Variants in OSTM1 observed in about 807,000 individuals in gnomAD.
OSTM1 encodes osteoclastogenesis associated transmembrane protein 1, also known as osteopetrosis-associated transmembrane protein 1.
A neutral mutation model predicts 35.4 loss-of-function variants in OSTM1; 26 were observed. That is an observed-to-expected ratio of 0.73 (90% CI 0.54 to 1.02). The LOEUF (loss-of-function observed/expected upper bound fraction) is 1.02. Among genes scored for constraint, OSTM1 ranks in the 50% least tolerant of loss-of-function variants. The pLI, the probability that OSTM1 is intolerant of heterozygous loss-of-function variation, is 0.00. For synonymous variants in OSTM1, 181 were observed against 165.0 expected (o/e 1.10, Z -0.75); for missense variants, 366 against 409.6 (o/e 0.89, Z 0.92).
chr6:108,066,748 C>T (rs1276488566), intron 1 of OSTM1, among the ~76,000 whole-genome samples: 1 of 152,122 alleles, frequency 6.6e-6, no homozygotes, highest in African/African-American at 2.4e-5. Context: ...AGAGAGGTCA[C>T]TAAAGAGCAA....
At chr6:108,050,429 T>G (rs1302321210) in intron 4 of OSTM1, among the ~76,000 whole-genome samples, 8 of 142,692 alleles carry the variant, frequency 5.6e-5, no homozygotes, top group South Asian at 4.5e-4. Flanking sequence ...ACTGGCACGA[T>G]CTCAGCTCAC....
intron 2 of OSTM1, among the ~76,000 whole-genome samples, chr6:108,061,551 G>A (rs1178856813): frequency 1.3e-5 from 2 of 151,576 alleles, no homozygotes; most frequent in Non-Finnish European, 2.9e-5. Flanking sequence ...TTTAAGACAG[G>A]GTCTTGCTCT....
chr6:108,062,816 C>A (rs1772305519), intron 2 of OSTM1, among the ~76,000 whole-genome samples: 1 of 152,038 alleles, frequency 6.6e-6, no homozygotes, highest in Non-Finnish European at 1.5e-5. Context: ...GTGTGAGCCA[C>A]CATGCCTGGT....
intron 4 of OSTM1, among the ~76,000 whole-genome samples, chr6:108,050,282 T>C (rs1003942825): frequency 4.0e-5 from 6 of 150,944 alleles, no homozygotes; most frequent in African/African-American, 1.5e-4. Context: ...TGGTAATAGA[T>C]ATAAGAAAAT....
intron 2 of OSTM1, among the ~76,000 whole-genome samples, chr6:108,058,469 A>C (rs1772205195): frequency 6.6e-6 from 1 of 152,204 alleles, no homozygotes; most frequent in East Asian, 1.9e-4. Context: ...CGCTTAGTAC[A>C]TTTCCCTCTG....
chr6:108,064,695 T>C (rs948593903), intron 1 of OSTM1, among the ~76,000 whole-genome samples: 1 of 152,222 alleles, frequency 6.6e-6, no homozygotes, highest in Non-Finnish European at 1.5e-5. Flanking sequence ...CTTAATTCTT[T>C]CAAAGTTATT....
At chr6:108,051,247 A>T (rs377292844) in intron 3 of OSTM1, 49 bp from the exon 4 acceptor site, 2 of 1,311,036 alleles carry the variant, frequency 1.5e-6, no homozygotes, top group East Asian at 2.4e-5. Context: ...ATTATATACA[A>T]TATCTCTTTA....
intron 2 of OSTM1, among the ~76,000 whole-genome samples, chr6:108,058,792 G>T (rs1192201794): frequency 5.3e-5 from 8 of 151,958 alleles, no homozygotes; most frequent in Admixed American, 3.3e-4. Context: ...AAAAAAAAAT[G>T]TTTTGGTTAA....
intron 2 of OSTM1, among the ~76,000 whole-genome samples, chr6:108,062,629 C>A (rs1464489931): frequency 6.7e-6 from 1 of 150,256 alleles, no homozygotes; most frequent in Non-Finnish European, 1.5e-5. Context: ...TTCATTGCAG[C>A]CTTGACCTCC....
intron 5 of OSTM1, 101 bp downstream of exon 5, chr6:108,049,152 A>C (rs1772031889): frequency 1.3e-6 from 1 of 764,864 alleles, no homozygotes; most frequent in Non-Finnish European, 2.2e-6. Context: ...TTTTAGGCTA[A>C]TCTACTTTGA....
intron 4 of OSTM1, among the ~76,000 whole-genome samples, chr6:108,049,869 A>G (rs1772045366): frequency 6.6e-6 from 1 of 152,232 alleles, no homozygotes; most frequent in African/African-American, 2.4e-5. Flanking sequence ...ACTTTTTACC[A>G]TCTCGAATAT....
At chr6:108,072,034 T>G (rs1772494667) in intron 1 of OSTM1, among the ~76,000 whole-genome samples, 1 of 152,190 alleles carries the variant, frequency 6.6e-6, no homozygotes, top group African/African-American at 2.4e-5. Context: ...AGCCTCTCTT[T>G]AATTCCACAG....
intron 1 of OSTM1, among the ~76,000 whole-genome samples, chr6:108,068,852 C>T (rs1320753568): frequency 6.6e-6 from 1 of 152,202 alleles, no homozygotes; most frequent in Non-Finnish European, 1.5e-5. Context: ...AAATCCTTAA[C>T]ATACCCTACA....
chr6:108,048,513 G>A (rs1772018734), intron 5 of OSTM1, among the ~76,000 whole-genome samples: 1 of 152,106 alleles, frequency 6.6e-6, no homozygotes, highest in Non-Finnish European at 1.5e-5. Flanking sequence ...TTGGAACTAC[G>A]ATTCCAATTT....
intron 2 of OSTM1, among the ~76,000 whole-genome samples, chr6:108,062,004 A>C (rs930206935): frequency 1.3e-5 from 2 of 152,028 alleles, no homozygotes; most frequent in Non-Finnish European, 2.9e-5. Flanking sequence ...CAAACCTTCT[A>C]TATACTACGT....
At position 108,042,941 on chromosome 6, in the gene OSTM1, A is replaced by C. The variant is rs1270573422; in HGVS notation, c.*1844T>G. 3 of 152,224 alleles carry C rather than the reference A, an allele frequency of 2.0e-5. No individual in the cohort carries two copies. Among genetic ancestry groups the C allele is most frequent in the Non-Finnish European group, 4.4e-5 (3 of 68,036 alleles). The allele number at this position is 152,224 out of a possible 1,614,324, so 9.4% of individuals were successfully genotyped here. ...GCAAATCATTTTTCAATATGACAAA[A>C]TGAAAAACTTACACACTTTAGGGTA... On this transcript the variant is annotated 3_prime_UTR_variant, in exon 6 of 6. Transcript: ENST00000193322.
In OSTM1 at chr6:108,074,674, G is replaced by T. The variant is rs1452366467; in HGVS notation, c.-23C>A. ...CATCACCGGGCTCACACACCCCAGG[G>T]AGCCCACCGCCGCCTCTCCGCCCCC... is the stretch of plus-strand genomic sequence containing the variant. On this transcript the variant is annotated 5_prime_UTR_variant, in exon 1 of 6. Transcript: ENST00000193322. The T allele has an allele frequency of 6.6e-7, 1 of 1,520,014 alleles. No homozygotes were observed. The highest frequency in any genetic ancestry group is 1.4e-5 in the African/African-American group (1 of 71,274). 94.2% of individuals were successfully genotyped at this position (1,520,014 alleles called of 1,614,324 possible).
chr6:108,064,176 ATTAC>A lies in OSTM1; in HGVS notation c.517+5_517+8del. The A allele has an allele frequency of 1.5e-6, 2 of 1,322,136 alleles. No individual in the cohort carries two copies. Among genetic ancestry groups the A allele is most frequent in the Non-Finnish European group, 2.2e-6 (2 of 916,212 alleles). 81.9% of individuals were successfully genotyped at this position (1,322,136 alleles called of 1,614,324 possible). The stretch of plus-strand genomic sequence containing the variant: ...ATAACTGCAACATGAAAATGAAAGA[ATTAC>A]TTACTTGCACAATTTGCCTCCTGCC... On this transcript the variant is annotated splice_donor_5th_base_variant and intron_variant, in intron 2 of 5. Coordinates refer to ENST00000193322, the MANE Select transcript of OSTM1 (RefSeq NM_014028.4).
chr6:108,046,142 C>G (rs557608434), intron 5 of OSTM1, among the ~76,000 whole-genome samples: 9 of 148,806 alleles, frequency 6.0e-5, no homozygotes, highest in Non-Finnish European at 1.0e-4. Context: ...GCTGGGACTA[C>G]AGGTGCCCAC....
Sources: gnomAD v4.1 joint callset for allele counts (sites outside exome capture counted in the v4.1 genomes callset) on GRCh38, gnomAD v4.1.1 for gene constraint, MANE v1.5 for transcripts, NCBI Gene and HGNC (gene_info 2026-07-23, HGNC 2026-07-21) for gene names.